The following CENPX variants were observed in gnomAD, a reference collection of about 807,000 sequenced individuals.
CENPX encodes the protein centromere protein X, also known as FANCM associated histone fold protein 2.
A neutral mutation model predicts 13.2 loss-of-function variants in CENPX; 13 were observed. The ratio of observed to expected loss-of-function variants is 0.98; its 90% CI spans 0.64 to 1.56. CENPX has a LOEUF of 1.56. Among genes scored for constraint, CENPX ranks in the 40% most tolerant of loss-of-function variants. The pLI, the probability that CENPX is intolerant of heterozygous loss-of-function variation, is 0.00. For missense variants in CENPX, 138 were observed against 107.5 expected (o/e 1.28, Z -1.26); for synonymous variants, 66 against 47.2 (o/e 1.40, Z -1.63).
intron 1 of CENPX, 104 bp from the exon 2 acceptor site, chr17:82,020,013 G>A (rs993171161): frequency 5.1e-5 from 56 of 1,100,450 alleles, no homozygotes; most frequent in East Asian, 1.8e-4. Flanking sequence ...GGCTGGAGAC[G>A]CCCTCTGTGC....
chr17:82,019,455 G>T lies in CENPX; in HGVS notation c.143-74C>A. 2.6e-6 allele frequency: 4 copies of T among 1,513,740 alleles called. No individual in the cohort carries two copies. The East Asian group carries it at 9.9e-5, about 37-fold the overall frequency. The allele number at this position is 1,513,740 out of a possible 1,614,324, so 93.8% of individuals were successfully genotyped here. A position where few individuals can be genotyped will look rare whatever the true frequency, so the allele number is the denominator to read the frequency against. On this transcript the variant is annotated intron_variant, in intron 3 of 4. Transcript: ENST00000392359. ...CCGAGCCCAGTGAGGGCCTCAGCCT[G>T]GGCCGGTGCCCCCCCCAACACCCAC...
intron 1 of CENPX, among the ~76,000 whole-genome samples, chr17:82,020,978 C>A (rs148820683): frequency 7.9e-5 from 12 of 151,912 alleles, no homozygotes; most frequent in African/African-American, 2.9e-4. Flanking sequence ...CCACAGCCGC[C>A]GGGAAAGGAG....
chr17:82,019,211 G>A lies in CENPX; in HGVS notation c.240C>T (p.Asp80=). 1.3e-6 allele frequency: 2 copies of A among 1,584,784 alleles called. No individual in the cohort carries two copies. The highest frequency in any genetic ancestry group is 1.7e-6 in the Non-Finnish European group (2 of 1,160,598). The change falls in exon 5 of 5, where the codon GAC becomes GAT. Residue 80 remains aspartate, a synonymous_variant. Coordinates refer to ENST00000392359, the MANE Select transcript of CENPX (RefSeq NM_001271006.2). The part of the protein sequence containing the change: ...LEKVLPQLLL[D]F ...TCAGCCACGGCTGAGATCCCTAGAA[G>A]TCCAGGAGCTGTGGGGAAGAGAAGC...
At position 82,019,154 on chromosome 17, in the gene CENPX, T is replaced by C; in HGVS notation, c.*51A>G. On this transcript the variant is annotated 3_prime_UTR_variant, in exon 5 of 5. Coordinates refer to ENST00000392359, the MANE Select transcript of CENPX (RefSeq NM_001271006.2). The stretch of plus-strand genomic sequence containing the variant: ...GGCCGCTGGAAACACAAGGCCTGCT[T>C]CTGTGGACCAGGGGCTCCTCTGGGG... 1 of 1,512,482 alleles carries C rather than the reference T, an allele frequency of 6.6e-7. No individual in the cohort carries two copies. Among genetic ancestry groups the C allele is most frequent in the Admixed American group, 2.2e-5 (1 of 44,574 alleles). 93.7% of individuals were successfully genotyped at this position (1,512,482 alleles called of 1,614,324 possible).
At chr17:82,019,403 G>T (rs1015394846) in intron 3 of CENPX, 22 bp from the exon 4 acceptor site, 1 of 1,536,986 alleles carries the variant, frequency 6.5e-7, no homozygotes, top group Non-Finnish European at 8.7e-7. Context: ...AACGCGAGAG[G>T]TGGGGGATGC....
rs1333117203 is a variant in CENPX at position 82,019,509 on chromosome 17, C to T, written c.143-128G>A. 2.6e-6 allele frequency: 4 copies of T among 1,523,782 alleles called. No individual in the cohort carries two copies. The East Asian group carries it at 9.8e-5, about 37-fold the overall frequency. The allele number at this position is 1,523,782 out of a possible 1,614,324, so 94.4% of individuals were successfully genotyped here. On this transcript the variant is annotated intron_variant, in intron 3 of 4. Coordinates refer to ENST00000392359, the MANE Select transcript of CENPX (RefSeq NM_001271006.2). ...CAGCCCCCAGAACCAGGCCACAGCA[C>T]CTGACAAACAGGCTCAGGAGACCCA...
In CENPX at chr17:82,019,105, GGTCCTTCCCT is replaced by G; in HGVS notation, c.*90_*99del. ...GTTTGAATCAACTCCAAATCCTTCAGGTCCTTCCCTGCCTCTTATCAGAGGCCGCTGGAAA... is the reference window on the plus strand; with the variant it reads ...GTTTGAATCAACTCCAAATCCTTCAGGCCTCTTATCAGAGGCCGCTGGAAA... On this transcript the variant is annotated 3_prime_UTR_variant, in exon 5 of 5. Coordinates refer to ENST00000392359, the MANE Select transcript of CENPX (RefSeq NM_001271006.2). 1 of 1,451,460 alleles carries G rather than the reference GGTCCTTCCCT, an allele frequency of 6.9e-7. No individual in the cohort carries two copies. Among genetic ancestry groups the G allele is most frequent in the Non-Finnish European group, 9.2e-7 (1 of 1,092,300 alleles). The allele number at this position is 1,451,460 out of a possible 1,614,324, so 89.9% of individuals were successfully genotyped here.
rs763090942 is a variant in CENPX, at chr17:82,019,229, A to G, written c.232-10T>C. 3 of 1,591,870 alleles carry G rather than the reference A, an allele frequency of 1.9e-6. No individual in the cohort carries two copies. The highest frequency in any genetic ancestry group is 1.1e-5 in the South Asian group (1 of 89,428). The stretch of plus-strand genomic sequence containing the variant: ...CCTAGAAGTCCAGGAGCTGTGGGGA[A>G]GAGAAGCACTTAGGGCCAGCCAGCC... On this transcript the variant is annotated splice_polypyrimidine_tract_variant and intron_variant, in intron 4 of 4. Transcript: ENST00000392359.
At position 82,019,370 on chromosome 17, in the gene CENPX, G is replaced by A. The variant is rs1009233327; in HGVS notation, c.154C>T (p.Arg52Cys). 25 of 1,554,886 alleles carry A rather than the reference G, an allele frequency of 1.6e-5. No homozygotes were observed. The highest frequency in any genetic ancestry group is 4.1e-5 in the African/African-American group (3 of 73,994). The change falls in exon 4 of 5, where the codon CGC becomes TGC. Residue 52 changes from arginine to cysteine, a missense_variant. Transcript: ENST00000392359. ...TCTGCCTGGGCCTGCCGCACGCCGC[G>A]GACTGCTGCTTCTGCGGTGAGAAAC... ...LKVFVVEAAV[R>C]GVRQAQAEDA...
intron 1 of CENPX, among the ~76,000 whole-genome samples, chr17:82,021,968 A>G (rs2144129068): frequency 6.6e-6 from 1 of 152,296 alleles, no homozygotes; most frequent in Non-Finnish European, 1.5e-5. Flanking sequence ...CTGCTTCTAC[A>G]GGGCTGAAGT....
rs2043219927 is a variant in CENPX at position 82,018,941 on chromosome 17, CTA to C, written c.*262_*263del. ...TGTAGGACCCCGGGTGGCATGCACA[CTA>C]TTGTCCCAGGGAGGAGAGGCAGGGA... On this transcript the variant is annotated 3_prime_UTR_variant, in exon 5 of 5. Transcript: ENST00000392359. 3 of 427,702 alleles carry C rather than the reference CTA, an allele frequency of 7.0e-6. No homozygotes were observed. The highest frequency in any genetic ancestry group is 1.2e-5 in the Non-Finnish European group (3 of 248,160). 26.5% of individuals were successfully genotyped at this position (427,702 alleles called of 1,614,324 possible).
rs775717784 is a variant in CENPX at position 82,019,174 on chromosome 17, C to T, written c.*31G>A. 4 of 1,539,260 alleles carry T rather than the reference C, an allele frequency of 2.6e-6. No homozygotes were observed. In the African/African-American group the frequency reaches 4.1e-5, roughly 16 times the overall value. On this transcript the variant is annotated 3_prime_UTR_variant, in exon 5 of 5. Transcript: ENST00000392359. Reference sequence around the variant, plus strand: ...CTGCTTCTGTGGACCAGGGGCTCCTCTGGGGGTGGCCTCAGCCACGGCTGA... The same window carrying T: ...CTGCTTCTGTGGACCAGGGGCTCCTTTGGGGGTGGCCTCAGCCACGGCTGA...
At chr17:82,021,707 A>C (rs570005282) in intron 1 of CENPX, among the ~76,000 whole-genome samples, 1 of 152,168 alleles carries the variant, frequency 6.6e-6, no homozygotes, top group African/African-American at 2.4e-5. Flanking sequence ...GGTGGGCTTG[A>C]TAGAACACAT....
intron 1 of CENPX, among the ~76,000 whole-genome samples, chr17:82,021,689 A>G (rs2043285357): frequency 6.6e-6 from 1 of 152,210 alleles, no homozygotes; most frequent in African/African-American, 2.4e-5. Context: ...CTGGGCCTCT[A>G]GTTGTCAGGT....
chr17:82,020,056 A>ACCCGAAGCACTAGGCTG, intron 1 of CENPX, 147 bp from the exon 2 acceptor site: 1 of 769,706 alleles, frequency 1.3e-6, no homozygotes, highest in Non-Finnish European at 2.0e-6. Flanking sequence ...GACAAGGGCC[A>ACCCGAAGCACTAGGCTG]GCCTAGTGCT....
In CENPX at chr17:82,019,927, G is replaced by A; in HGVS notation, c.37-18C>T. 6.4e-7 allele frequency: 1 copy of A among 1,568,594 alleles called. No individual in the cohort carries two copies. ...ACCAGCTCCTAGAAGGGAGGGGGGTGTCAGCGCCACGCCCCGCCCTCCCCC... is the reference window on the plus strand; with the variant it reads ...ACCAGCTCCTAGAAGGGAGGGGGGTATCAGCGCCACGCCCCGCCCTCCCCC... On this transcript the variant is annotated intron_variant, in intron 1 of 4. Coordinates refer to ENST00000392359, the MANE Select transcript of CENPX (RefSeq NM_001271006.2).
rs562668568 is a variant in CENPX at position 82,019,326 on chromosome 17, G to A, written c.198C>T (p.Asp66=). 37 of 1,587,580 alleles carry A rather than the reference G, an allele frequency of 2.3e-5. No individual in the cohort carries two copies. The highest frequency in any genetic ancestry group is 2.3e-4 in the South Asian group (20 of 87,420). ...QAQAEDALRV[D]VDQLEKVLPQ... is the part of the protein sequence containing the mutation. The stretch of plus-strand genomic sequence containing the variant: ...GAAGCACCTTCTCCAGCTGGTCCAC[G>A]TCCACACGGAGCGCGTCTTCTGCCT... Residue 66 remains aspartate (D), a synonymous_variant, in exon 4 of 5, where the codon GAC becomes GAT. Coordinates refer to ENST00000392359, the MANE Select transcript of CENPX (RefSeq NM_001271006.2).
At chr17:82,019,557 G>A (rs1253600953) in intron 3 of CENPX, 84 bp downstream of exon 3, 16 of 1,547,502 alleles carry the variant, frequency 1.0e-5, no homozygotes, top group East Asian at 4.9e-5. Flanking sequence ...TGTGGGAAAC[G>A]GGAAAACACG....
chr17:82,020,059 C>G (rs1447652329), intron 1 of CENPX, 150 bp from the exon 2 acceptor site: 3 of 766,066 alleles, frequency 3.9e-6, no homozygotes, highest in Non-Finnish European at 6.1e-6. Context: ...AAGGGCCAGC[C>G]TAGTGCTTCG....
Sources: allele counts gnomAD v4.1 joint callset (sites outside exome capture counted in the v4.1 genomes callset), GRCh38; gene constraint gnomAD v4.1.1; transcripts MANE v1.5; gene names NCBI Gene and HGNC (gene_info 2026-07-23, HGNC 2026-07-21).